PNPT1: variants seen among roughly 807,000 people sequenced by gnomAD.
PNPT1 encodes the protein polyribonucleotide nucleotidyltransferase 1, mitochondrial.
A neutral mutation model predicts 119.5 loss-of-function variants in PNPT1; 53 were observed. The ratio of observed to expected loss-of-function variants is 0.44; its 90% CI spans 0.36 to 0.56. The LOEUF (loss-of-function observed/expected upper bound fraction) is 0.56, where lower values mean the gene tolerates loss of function less well. Ranked by LOEUF, PNPT1 falls within the 20% of genes least tolerant of loss-of-function variation. The pLI is 0.00. For missense variants in PNPT1, 948 were observed against 938.5 expected (o/e 1.01, Z -0.13); for synonymous variants, 357 against 322.1 (o/e 1.11, Z -1.16).
intron 18 of PNPT1, among the ~76,000 whole-genome samples, chr2:55,653,764 T>A (rs1696288236): frequency 6.6e-6 from 1 of 152,252 alleles, no homozygotes; most frequent in Admixed American, 6.5e-5. Context: ...TTTTTCTAGA[T>A]AATATTATTA....
intron 13 of PNPT1, among the ~76,000 whole-genome samples, chr2:55,664,136 C>A (rs1437295158): frequency 6.6e-6 from 1 of 152,180 alleles, no homozygotes; most frequent in Non-Finnish European, 1.5e-5. Context: ...CTATCTTTTT[C>A]TTATTACTTC....
intron 4 of PNPT1, among the ~76,000 whole-genome samples, chr2:55,684,319 A>T (rs62165233): frequency 0.14 from 21,657 of 152,218 alleles, 1,990 homozygotes; most frequent in Admixed American, 0.2. Flanking sequence ...GAGAAACCCC[A>T]TCTTGACTAA....
chr2:55,669,015 A>G (rs1039603874), intron 11 of PNPT1, among the ~76,000 whole-genome samples: 2 of 152,206 alleles, frequency 1.3e-5, no homozygotes, highest in Non-Finnish European at 2.9e-5. Context: ...TTTCTATCTA[A>G]TATTTGTCAA....
intron 19 of PNPT1, 50 bp from the exon 20 acceptor site, chr2:55,646,536 C>T (rs745864856): frequency 6.3e-6 from 9 of 1,438,122 alleles, no homozygotes; most frequent in East Asian, 2.3e-5. Flanking sequence ...AAACAAAAGT[C>T]AACATATTCA....
At chr2:55,637,820 G>A (rs2104013608) in intron 26 of PNPT1, among the ~76,000 whole-genome samples, 1 of 152,060 alleles carries the variant, frequency 6.6e-6, no homozygotes, top group Non-Finnish European at 1.5e-5. Flanking sequence ...TCAGGAGAGT[G>A]AAACCCCATC....
At chr2:55,667,801 T>C (rs1696783295) in intron 12 of PNPT1, 61 bp downstream of exon 12, 1 of 1,551,830 alleles carries the variant, frequency 6.4e-7, no homozygotes, top group Middle Eastern at 1.9e-4. Context: ...AAGTTTCCAT[T>C]TTCAAGGCAA....
chr2:55,657,709 A>T (rs555717582), intron 15 of PNPT1, among the ~76,000 whole-genome samples: 77 of 151,880 alleles, frequency 5.1e-4, no homozygotes, highest in Non-Finnish European at 9.4e-4. Context: ...CAGGAATCTG[A>T]TTAAACCTCT....
chr2:55,667,642 C>T (rs1482201935), intron 12 of PNPT1, among the ~76,000 whole-genome samples: 1 of 151,906 alleles, frequency 6.6e-6, no homozygotes, highest in Non-Finnish European at 1.5e-5. Flanking sequence ...TCCTGAAGTG[C>T]AGTCAGGGCT....
chr2:55,690,999 A>G (rs1003753283), intron 1 of PNPT1, among the ~76,000 whole-genome samples: 6 of 152,260 alleles, frequency 3.9e-5, no homozygotes, highest in African/African-American at 1.4e-4. Flanking sequence ...AACCCTGAGT[A>G]ACATGCCACC....
intron 8 of PNPT1, among the ~76,000 whole-genome samples, chr2:55,679,233 G>T (rs1697173965): frequency 6.6e-6 from 1 of 152,196 alleles, no homozygotes; most frequent in Non-Finnish European, 1.5e-5. Flanking sequence ...GTAGAAATGG[G>T]TCACTTCTCA....
rs926762996 is a variant in PNPT1 at position 55,639,589 on chromosome 2, G to C, written c.2148+1038C>G. Among the ~76,000 whole-genome samples the C allele has an allele frequency of 9.2e-5, 14 of 152,182 alleles. No individual in the cohort carries two copies. The East Asian group carries it at 2.5e-3, about 27-fold the overall frequency. On this transcript the variant is annotated intron_variant, in intron 26 of 27. Coordinates refer to ENST00000447944, the MANE Select transcript of PNPT1 (RefSeq NM_033109.5). ...CTTTTTATAAAAATAATTTGTTCAT[G>C]TTCTTTACTTATTTTTCTATTGATA... is the stretch of plus-strand genomic sequence containing the variant.
Position 55,640,708 on chromosome 2 carries a change from AC to A in PNPT1, c.2070-4del, listed in dbSNP as rs1357119235. 6.5e-7 allele frequency: 1 copy of A among 1,534,248 alleles called. No individual in the cohort carries two copies. The highest frequency in any genetic ancestry group is 1.7e-5 in the Admixed American group (1 of 59,366). ...ATTTTACCATTACACCAGTATCTCT[AC>A]AAAAAAATAAATAGTAAGCCTGGTT... On this transcript the variant is annotated splice_region_variant and splice_polypyrimidine_tract_variant and intron_variant, in intron 25 of 27. Coordinates refer to ENST00000447944, the MANE Select transcript of PNPT1 (RefSeq NM_033109.5).
At chr2:55,651,885 C>CAAA in intron 18 of PNPT1, among the ~76,000 whole-genome samples, 3,923 of 119,606 alleles carry the variant, frequency 0.033, 141 homozygotes, top group South Asian at 0.081. Flanking sequence ...AAAGGAAAGT[C>CAAA]AAAAAAAAAA....
chr2:55,667,670 A>G (rs1055249439), intron 12 of PNPT1, among the ~76,000 whole-genome samples, 192 bp downstream of exon 12: 1 of 152,128 alleles, frequency 6.6e-6, no homozygotes, highest in Non-Finnish European at 1.5e-5. Flanking sequence ...ACCGCTTTAT[A>G]CACCAGGCCC....
In PNPT1 at chr2:55,647,348, A is replaced by G; in HGVS notation, c.1601T>C (p.Leu534Ser). The change falls in exon 19 of 28, where the codon TTG becomes TCG. Residue 534 changes from leucine to serine, a missense_variant and splice_region_variant. Coordinates refer to ENST00000447944, the MANE Select transcript of PNPT1 (RefSeq NM_033109.5). ...IEDYRLLTDI[L>S]GIEDYNGDMD... The stretch of plus-strand genomic sequence containing the variant: ...ATTTGAAACCGAGAATATACTTGCC[A>G]AAATATCTGTCAGCAAACGATAATC... 6.2e-7 allele frequency: 1 copy of G among 1,600,160 alleles called. No individual in the cohort carries two copies. Among genetic ancestry groups the G allele is most frequent in the Middle Eastern group, 1.7e-4 (1 of 5,998 alleles).
Position 55,680,770 on chromosome 2 carries a change from G to C in PNPT1, c.518-11C>G, listed in dbSNP as rs1244429107. 1 of 1,613,276 alleles carries C rather than the reference G, an allele frequency of 6.2e-7. No individual in the cohort carries two copies. The highest frequency in any genetic ancestry group is 8.5e-7 in the Non-Finnish European group (1 of 1,179,764). ...AGAGGGCTACGGAAGCTTAAAAAAG[G>C]AGAAAAATCAGGGCCGAAATTAAAA... is the stretch of plus-strand genomic sequence containing the variant. On this transcript the variant is annotated splice_polypyrimidine_tract_variant and intron_variant, in intron 6 of 27. Coordinates refer to ENST00000447944, the MANE Select transcript of PNPT1 (RefSeq NM_033109.5).
chr2:55,651,775 A>T (rs1425990021), intron 18 of PNPT1, among the ~76,000 whole-genome samples: 3 of 31,450 alleles, frequency 9.5e-5, no homozygotes, highest in Admixed American at 5.8e-4. Context: ...GATCAATTTA[A>T]AAAAAAAAAA....
intron 15 of PNPT1, among the ~76,000 whole-genome samples, chr2:55,657,729 G>A (rs6545513): frequency 0.14 from 21,811 of 151,218 alleles, 3,085 homozygotes; most frequent in African/African-American, 0.37. Context: ...TGGATCTAGC[G>A]GTCAATTTGC....
In PNPT1 at chr2:55,646,441, T is replaced by A. The variant is rs1303070009; in HGVS notation, c.1648A>T (p.Thr550Ser). ...TGTAATGCAGTTATTCCTTTATTAG[T>A]GCCAGCTATTTTGAAGTCCATGTCA... is the stretch of plus-strand genomic sequence containing the variant. ...NGDMDFKIAG[T>S]NKGITALQAD... The change falls in exon 20 of 28, where the codon ACT (threonine) becomes TCT (serine). Residue 550 changes from threonine to serine, a missense_variant. Physicochemically the swap from Thr to Ser is moderately conservative, Grantham distance 58. Transcript: ENST00000447944. 2 of 1,612,810 alleles carry A rather than the reference T, an allele frequency of 1.2e-6. No homozygotes were observed. Among genetic ancestry groups the A allele is most frequent in the Admixed American group, 1.7e-5 (1 of 59,840 alleles).
Sources: allele counts gnomAD v4.1 joint callset (sites outside exome capture counted in the v4.1 genomes callset), GRCh38; gene constraint gnomAD v4.1.1; transcripts MANE v1.5; gene names NCBI Gene and HGNC (gene_info 2026-07-23, HGNC 2026-07-21).